Variants in AGPAT4 observed in about 807,000 individuals in gnomAD.
The protein encoded by AGPAT4 is 1-acyl-sn-glycerol-3-phosphate acyltransferase delta.
A neutral mutation model predicts 48.0 loss-of-function variants in AGPAT4; 15 were observed. The ratio of observed to expected loss-of-function variants is 0.31; its 90% CI spans 0.21 to 0.48. The LOEUF (loss-of-function observed/expected upper bound fraction) is 0.48. Ranked by LOEUF, AGPAT4 falls within the 20% of genes least tolerant of loss-of-function variation. The pLI, the probability that AGPAT4 is intolerant of heterozygous loss-of-function variation, is 0.99. For missense variants in AGPAT4, 314 were observed against 482.5 expected (o/e 0.65, Z 3.27); for synonymous variants, 178 against 198.7 (o/e 0.90, Z 0.88).
Position 161,255,402 on chromosome 6 carries a change from A to G in AGPAT4, c.-90+18536T>C, listed in dbSNP as rs1196840687. Reference sequence around the variant, plus strand: ...TCAGGAGAAATGAAAACACACATCCACACAAAATCTTGTACACCCACGTTC... The same window carrying G: ...TCAGGAGAAATGAAAACACACATCCGCACAAAATCTTGTACACCCACGTTC... On this transcript the variant is annotated intron_variant, in intron 1 of 8. Transcript: ENST00000320285. The surrounding 1 kb of genome is among the most constrained non-coding windows in gnomAD (Gnocchi z 4.7). Among the ~76,000 whole-genome samples, 1 of 152,202 alleles carries G rather than the reference A, an allele frequency of 6.6e-6. No individual in the cohort carries two copies. Among genetic ancestry groups the G allele is most frequent in the Non-Finnish European group, 1.5e-5 (1 of 68,048 alleles).
rs781238098 is a variant in AGPAT4, at chr6:161,216,537, C to G, written c.178+15499G>C. 1.3e-5 allele frequency among the ~76,000 whole-genome samples: 2 copies of G among 152,188 alleles called. No homozygotes were observed. Among genetic ancestry groups the G allele is most frequent in the Non-Finnish European group, 2.9e-5 (2 of 68,026 alleles). The stretch of plus-strand genomic sequence containing the variant: ...TGGGGCAGCATCAGCCCCGACGCCC[C>G]AGGCCCCACCCCAGCACTCTCTTAA... On this transcript the variant is annotated intron_variant, in intron 2 of 8. Coordinates refer to ENST00000320285, the MANE Select transcript of AGPAT4 (RefSeq NM_020133.3). This position sits in a 1 kb window ranked among gnomAD's most constrained non-coding sequence, Gnocchi z 4.8.
At chr6:161,156,140 C>A (rs1347168550) in intron 3 of AGPAT4, among the ~76,000 whole-genome samples, 1 of 152,206 alleles carries the variant, frequency 6.6e-6, no homozygotes, top group Non-Finnish European at 1.5e-5. Flanking sequence ...CTATCTCCAT[C>A]CCTCTTAGAT....
At chr6:161,181,503 C>CGGG (rs776492737) in intron 2 of AGPAT4, among the ~76,000 whole-genome samples, 29 of 126,120 alleles carry the variant, frequency 2.3e-4, no homozygotes, top group Non-Finnish European at 3.1e-4. Context: ...GTGGGGGTAG[C>CGGG]AGGGGGCGGG....
In AGPAT4 at chr6:161,249,509, T is replaced by A. The variant is rs1782749155; in HGVS notation, c.-89-17207A>T. Among the ~76,000 whole-genome samples, 1 of 151,998 alleles carries A rather than the reference T, an allele frequency of 6.6e-6. No individual in the cohort carries two copies. The highest frequency in any genetic ancestry group is 6.6e-5 in the Admixed American group (1 of 15,258). ...CCCATTAAAAAGTGGGCAAAGGACA[T>A]GAACAGACACTTTTCAGAAGACATA... On this transcript the variant is annotated intron_variant, in intron 1 of 8. Transcript: ENST00000320285. This position sits in a 1 kb window ranked among gnomAD's most constrained non-coding sequence, Gnocchi z 6.2.
In AGPAT4 at chr6:161,132,878, C is replaced by A. The variant is rs185599864; in HGVS notation, c.*3662G>T. On this transcript the variant is annotated 3_prime_UTR_variant, in exon 9 of 9. Transcript: ENST00000320285. Reference sequence around the variant, plus strand: ...CCTCCTGGTCAGCTACAGACACAGGCGGGTTAGGGCCCGTCTTGCTTTCAT... The same window carrying A: ...CCTCCTGGTCAGCTACAGACACAGGAGGGTTAGGGCCCGTCTTGCTTTCAT... 1 of 152,204 alleles carries A rather than the reference C, an allele frequency of 6.6e-6. No individual in the cohort carries two copies. Among genetic ancestry groups the A allele is most frequent in the African/African-American group, 2.4e-5 (1 of 41,438 alleles). The allele number at this position is 152,204 out of a possible 1,614,324, so 9.4% of individuals were successfully genotyped here.
intron 2 of AGPAT4, among the ~76,000 whole-genome samples, chr6:161,183,663 A>G (rs1485633895): frequency 1.1e-4 from 7 of 64,684 alleles, no homozygotes; most frequent in Admixed American, 1.7e-4. Flanking sequence ...GGAGGGGAGG[A>G]GAGGGGAGGG....
intron 2 of AGPAT4, among the ~76,000 whole-genome samples, chr6:161,192,874 A>G (rs1275247965): frequency 6.6e-6 from 1 of 152,228 alleles, no homozygotes; most frequent in African/African-American, 2.4e-5. Flanking sequence ...GGAAGAAGTT[A>G]GACTTTAGGG....
chr6:161,160,833 C>A (rs1034673577), intron 3 of AGPAT4: 1 of 368,958 alleles, frequency 2.7e-6, no homozygotes, highest in Admixed American at 3.4e-5. Flanking sequence ...GCGTTAGCCC[C>A]GCAGATGGGA....
At chr6:161,160,517 C>T (rs777300294) in intron 3 of AGPAT4, 11 of 172,958 alleles carry the variant, frequency 6.4e-5, no homozygotes, top group East Asian at 1.4e-4. Context: ...ACAGAGTACG[C>T]GGGGTTCTTG....
Position 161,234,650 on chromosome 6 carries a change from C to T in AGPAT4, c.-89-2348G>A, listed in dbSNP as rs1172150659. Among the ~76,000 whole-genome samples, 2 of 152,048 alleles carry T rather than the reference C, an allele frequency of 1.3e-5. No homozygotes were observed. The highest frequency in any genetic ancestry group is 2.9e-5 in the Non-Finnish European group (2 of 68,016). Reference sequence around the variant, plus strand: ...AATATTCATGCAATTTGTTCATTGTCCCCGGATTAGCCACTAATAGCGTCA... The same window carrying T: ...AATATTCATGCAATTTGTTCATTGTTCCCGGATTAGCCACTAATAGCGTCA... On this transcript the variant is annotated intron_variant, in intron 1 of 8. Coordinates refer to ENST00000320285, the MANE Select transcript of AGPAT4 (RefSeq NM_020133.3). The surrounding 1 kb of genome is among the most constrained non-coding windows in gnomAD (Gnocchi z 4.4).
Position 161,240,123 on chromosome 6 carries a change from G to T in AGPAT4, c.-89-7821C>A, listed in dbSNP as rs1217955536. ...TTTTCATTATGATATTAAGTGACAGGATACAAAATCATGTGGAGAAAATAA... is the reference window on the plus strand; with the variant it reads ...TTTTCATTATGATATTAAGTGACAGTATACAAAATCATGTGGAGAAAATAA... On this transcript the variant is annotated intron_variant, in intron 1 of 8. Coordinates refer to ENST00000320285, the MANE Select transcript of AGPAT4 (RefSeq NM_020133.3). This position sits in a 1 kb window ranked among gnomAD's most constrained non-coding sequence, Gnocchi z 5.5. Among the ~76,000 whole-genome samples, 4 of 151,054 alleles carry T rather than the reference G, an allele frequency of 2.6e-5. No individual in the cohort carries two copies. The highest frequency in any genetic ancestry group is 9.7e-5 in the African/African-American group (4 of 41,106).
rs761310233 is a variant in AGPAT4, at chr6:161,261,270, G to C, written c.-90+12668C>G. On this transcript the variant is annotated intron_variant, in intron 1 of 8. Transcript: ENST00000320285. The surrounding 1 kb of genome is among the most constrained non-coding windows in gnomAD (Gnocchi z 5.3). ...GAATGTGGCCACTTACTGACTGCAC[G>C]AGTCCATGAGACAAACAACAGAAAA... is the stretch of plus-strand genomic sequence containing the variant. 6.6e-6 allele frequency among the ~76,000 whole-genome samples: 1 copy of C among 152,154 alleles called. No homozygotes were observed. The highest frequency in any genetic ancestry group is 1.5e-5 in the Non-Finnish European group (1 of 68,030).
Position 161,148,263 on chromosome 6 carries a change from A to G in AGPAT4, c.767+924T>C, listed in dbSNP as rs1245341930. On this transcript the variant is annotated intron_variant, in intron 6 of 8. Coordinates refer to ENST00000320285, the MANE Select transcript of AGPAT4 (RefSeq NM_020133.3). This position sits in a 1 kb window ranked among gnomAD's most constrained non-coding sequence, Gnocchi z 5.5. ...CACAGGGCAGACTGTTGCCTGCACC[A>G]TCAGACAAGAAGTCAGTGATGATGA... is the stretch of plus-strand genomic sequence containing the variant. Among the ~76,000 whole-genome samples, 1 of 152,216 alleles carries G rather than the reference A, an allele frequency of 6.6e-6. No homozygotes were observed. The highest frequency in any genetic ancestry group is 1.9e-4 in the East Asian group (1 of 5,192).
intron 2 of AGPAT4, among the ~76,000 whole-genome samples, chr6:161,193,543 C>T (rs1780982027): frequency 6.6e-6 from 1 of 152,214 alleles, no homozygotes; most frequent in Non-Finnish European, 1.5e-5. Context: ...CTCAGCTCAA[C>T]TCAGACCAAT....
In AGPAT4 at chr6:161,249,963, G is replaced by A. The variant is rs754372135; in HGVS notation, c.-89-17661C>T. 6.6e-6 allele frequency among the ~76,000 whole-genome samples: 1 copy of A among 152,216 alleles called. No homozygotes were observed. Among genetic ancestry groups the A allele is most frequent in the Non-Finnish European group, 1.5e-5 (1 of 68,038 alleles). On this transcript the variant is annotated intron_variant, in intron 1 of 8. Transcript: ENST00000320285. This position sits in a 1 kb window ranked among gnomAD's most constrained non-coding sequence, Gnocchi z 6.2. Reference sequence around the variant, plus strand: ...TCAACCTCAATGCCCATCAATAGTAGACTGGATAAAGGAAATGTGGTACAT... The same window carrying A: ...TCAACCTCAATGCCCATCAATAGTAAACTGGATAAAGGAAATGTGGTACAT...
Position 161,177,873 on chromosome 6 carries a change from C to G in AGPAT4, c.179-11456G>C, listed in dbSNP as rs1780471224. Among the ~76,000 whole-genome samples, 1 of 152,194 alleles carries G rather than the reference C, an allele frequency of 6.6e-6. No individual in the cohort carries two copies. Among genetic ancestry groups the G allele is most frequent in the Non-Finnish European group, 1.5e-5 (1 of 68,048 alleles). ...GTTTGTTAGTTTTCCTTCTAACAGT[C>G]GGAACCCTCAGCTGCAGGTCTGTTG... On this transcript the variant is annotated intron_variant, in intron 2 of 8. Transcript: ENST00000320285. This position sits in a 1 kb window ranked among gnomAD's most constrained non-coding sequence, Gnocchi z 5.0.
chr6:161,192,442 C>A (rs955024367), intron 2 of AGPAT4, among the ~76,000 whole-genome samples: 1 of 152,174 alleles, frequency 6.6e-6, no homozygotes, highest in Non-Finnish European at 1.5e-5. Flanking sequence ...TGAGCCACTG[C>A]ACCTGGCTGG....
Position 161,171,920 on chromosome 6 carries a change from AAAAAACC to A in AGPAT4, c.179-5510_179-5504del, listed in dbSNP as rs1252455157. On this transcript the variant is annotated intron_variant, in intron 2 of 8. Coordinates refer to ENST00000320285, the MANE Select transcript of AGPAT4 (RefSeq NM_020133.3). The surrounding 1 kb of genome is among the most constrained non-coding windows in gnomAD (Gnocchi z 4.4). ...ATCTCAAAAACAAAAAACAAAAAACAAAAAACCAAAAGTTTCCAACACATGAACTCTG... is the reference window on the plus strand; with the variant it reads ...ATCTCAAAAACAAAAAACAAAAAACAAAAAGTTTCCAACACATGAACTCTG... Among the ~76,000 whole-genome samples the A allele has an allele frequency of 2.2e-4, 33 of 151,418 alleles. No homozygotes were observed. Among genetic ancestry groups the A allele is most frequent in the Admixed American group, 1.2e-3 (18 of 15,212 alleles).
rs2115045381 is a variant in AGPAT4, at chr6:161,243,000, T to C, written c.-89-10698A>G. ...ATTGATTGAACCCAGGAGGTGGAGG[T>C]TGCAGTGAGTGGAGATTGCGCCACT... On this transcript the variant is annotated intron_variant, in intron 1 of 8. Coordinates refer to ENST00000320285, the MANE Select transcript of AGPAT4 (RefSeq NM_020133.3). The surrounding 1 kb of genome is among the most constrained non-coding windows in gnomAD (Gnocchi z 5.0). Among the ~76,000 whole-genome samples the C allele has an allele frequency of 6.6e-6, 1 of 151,904 alleles. No individual in the cohort carries two copies. The highest frequency in any genetic ancestry group is 1.5e-5 in the Non-Finnish European group (1 of 67,956).
Sources: gnomAD v4.1 joint callset for allele counts (sites outside exome capture counted in the v4.1 genomes callset) on GRCh38, gnomAD v4.1.1 for gene constraint, Gnocchi (gnomAD v3.1) non-coding constraint, MANE v1.5 for transcripts, NCBI Gene and HGNC (gene_info 2026-07-23, HGNC 2026-07-21) for gene names.